PCDH15: variants seen among roughly 807,000 people sequenced by gnomAD.
PCDH15 encodes protocadherin-15.
Under a neutral mutation model 178.5 loss-of-function variants are expected in PCDH15, and 129 were observed. The observed-to-expected ratio is 0.72, with a 90% CI of 0.63 to 0.84. PCDH15 has a LOEUF of 0.84. Among genes scored for constraint, PCDH15 ranks in the 40% least tolerant of loss-of-function variants. PCDH15 has a pLI of 0.00. For synonymous variants in PCDH15, 800 were observed against 732.0 expected, an observed-to-expected ratio of 1.09 and a Z score of -1.50; for missense variants, 2,230 against 2,099.9, an observed-to-expected ratio of 1.06 and a Z score of -1.21.
In PCDH15 at chr10:54,228,508, G is replaced by C. The variant is rs183339459; in HGVS notation, c.985+8315C>G. On this transcript the variant is annotated intron_variant, in intron 9 of 37. Transcript: ENST00000644397. ...GTGACACAGCCAAGCGATATCATTT[G>C]TTATGAATGCTAAGAGCATCTACTC... Among the ~76,000 whole-genome samples, 364 of 152,258 alleles carry C rather than the reference G, an allele frequency of 2.4e-3. 1 individual carries two copies. Among genetic ancestry groups the C allele is most frequent in the African/African-American group, 8.5e-3 (353 of 41,564 alleles).
At chr10:55,257,249 G>T (rs1416048869) in intron 1 of PCDH15, among the ~76,000 whole-genome samples, 1 of 151,988 alleles carries the variant, frequency 6.6e-6, no homozygotes, top group Non-Finnish European at 1.5e-5. Context: ...AAAGACCAAA[G>T]GTAGATAAAA....
chr10:55,339,751 T>C (rs73253877), intron 2 of PCDH15, among the ~76,000 whole-genome samples: 1,817 of 152,204 alleles, frequency 0.012, 49 homozygotes, highest in African/African-American at 0.042. Context: ...TAGTTAATAA[T>C]TGGCCACTCG....
intron 2 of PCDH15, among the ~76,000 whole-genome samples, chr10:54,604,066 T>C (rs2092649395): frequency 2.0e-5 from 1 of 50,144 alleles, no homozygotes; most frequent in Non-Finnish European, 4.4e-5. Flanking sequence ...TTAGCTTCCA[T>C]GTATTTGTGA....
chr10:54,192,138 G>GAA (rs756517420), intron 11 of PCDH15, among the ~76,000 whole-genome samples: 1,200 of 117,520 alleles, frequency 0.01, 21 homozygotes, highest in African/African-American at 0.031. Context: ...GAAAGAGAAA[G>GAA]AGAAAGAAAG....
intron 8 of PCDH15, among the ~76,000 whole-genome samples, chr10:54,270,032 A>T (rs1444554098): frequency 1.3e-5 from 2 of 152,014 alleles, no homozygotes; most frequent in African/African-American, 4.8e-5. Flanking sequence ...TTTATCTTTG[A>T]TCTCTTTTAA....
chr10:55,537,761 C>CTTTGTTTGTTTG (rs1484244149), intron 2 of PCDH15, among the ~76,000 whole-genome samples: 32 of 152,068 alleles, frequency 2.1e-4, no homozygotes, highest in Non-Finnish European at 7.4e-5. Context: ...TATGTGTTTT[C>CTTTGTTTGTTTG]TTTGTTGCTG....
At chr10:54,569,963 A>C (rs1391536882) in intron 2 of PCDH15, among the ~76,000 whole-genome samples, 1 of 152,094 alleles carries the variant, frequency 6.6e-6, no homozygotes, top group Non-Finnish European at 1.5e-5. Context: ...AAAAGCTATA[A>C]ATCAGACCTC....
intron 2 of PCDH15, among the ~76,000 whole-genome samples, chr10:54,980,407 A>G (rs923054861): frequency 5.9e-5 from 9 of 152,040 alleles, no homozygotes; most frequent in African/African-American, 2.2e-4. Flanking sequence ...TTATTTTATT[A>G]TATTTCTTAT....
At chr10:55,575,771 G>A (rs944493961) in intron 2 of PCDH15, 3 of 152,104 alleles carry the variant, frequency 2.0e-5, no homozygotes, top group East Asian at 1.9e-4. Flanking sequence ...GGAAATTCAC[G>A]AACAATTCCC....
Position 53,984,257 on chromosome 10 carries a change from C to T in PCDH15, c.2868+11392G>A, listed in dbSNP as rs551435567. ...TTCCGCCTCCTGGGTTCACACCATTCTCCTGCCTCAGCCTCCCAAGTAGCT... is the reference window on the plus strand; with the variant it reads ...TTCCGCCTCCTGGGTTCACACCATTTTCCTGCCTCAGCCTCCCAAGTAGCT... On this transcript the variant is annotated intron_variant, in intron 21 of 37. Coordinates refer to ENST00000644397, the MANE Select transcript of PCDH15 (RefSeq NM_001384140.1). Among the ~76,000 whole-genome samples the T allele has an allele frequency of 4.3e-3, 621 of 143,238 alleles. 4 individuals are homozygous for T. Among genetic ancestry groups the T allele is most frequent in the African/African-American group, 0.015 (586 of 37,894 alleles). 94.0% of individuals were successfully genotyped at this position (143,238 alleles called of 152,430 possible).
intron 27 of PCDH15, among the ~76,000 whole-genome samples, chr10:53,862,350 A>G (rs752485148): frequency 4.6e-5 from 7 of 151,998 alleles, no homozygotes; most frequent in African/African-American, 7.2e-5. Flanking sequence ...ACACCCGGCC[A>G]TTGTACTTTG....
chr10:54,519,300 T>C (rs949671380), intron 3 of PCDH15, among the ~76,000 whole-genome samples: 8 of 152,198 alleles, frequency 5.3e-5, no homozygotes, highest in Non-Finnish European at 1.2e-4. Context: ...CATGATTGTA[T>C]ATTTAGAAAA....
intron 1 of PCDH15, among the ~76,000 whole-genome samples, chr10:54,701,379 T>A (rs1233613967): frequency 3.9e-5 from 6 of 152,006 alleles, no homozygotes; most frequent in Non-Finnish European, 7.4e-5. Context: ...ATCGACATTC[T>A]AAAGCAACTA....
At chr10:55,388,508 G>A (rs945409071) in intron 2 of PCDH15, among the ~76,000 whole-genome samples, 16 of 151,990 alleles carry the variant, frequency 1.1e-4, no homozygotes, top group Non-Finnish European at 1.8e-4. Flanking sequence ...TCTGGATGGA[G>A]GTATTTTTAT....
intron 3 of PCDH15, among the ~76,000 whole-genome samples, chr10:54,526,575 AT>A (rs909139339): frequency 6.6e-6 from 1 of 151,990 alleles, no homozygotes; most frequent in African/African-American, 2.4e-5. Context: ...CACATTTGGG[AT>A]TTATTTCCAA....
intron 15 of PCDH15, among the ~76,000 whole-genome samples, chr10:54,132,592 T>C (rs2042529548): frequency 6.6e-6 from 1 of 152,192 alleles, no homozygotes; most frequent in Non-Finnish European, 1.5e-5. Flanking sequence ...AATATTCAAG[T>C]ATGTGTTTCC....
At chr10:54,268,949 T>C (rs2057875321) in intron 8 of PCDH15, among the ~76,000 whole-genome samples, 1 of 151,732 alleles carries the variant, frequency 6.6e-6, no homozygotes, top group African/African-American at 2.4e-5. Context: ...TCATCTCCTA[T>C]CTTCCTTGAA....
Position 55,454,780 on chromosome 10 carries a change from C to CA in PCDH15, c.-156+172844dup, listed in dbSNP as rs10606669. 2.3e-3 allele frequency among the ~76,000 whole-genome samples: 224 copies of CA among 98,276 alleles called. 1 individual carries two copies. The highest frequency in any genetic ancestry group is 3.4e-3 in the Non-Finnish European group (169 of 50,348). The allele number at this position is 98,276 out of a possible 152,430, so 64.5% of individuals were successfully genotyped here. A position where few individuals can be genotyped will look rare whatever the true frequency, so the allele number is the denominator to read the frequency against. ...AGCCTGGGCAACAGAGACTCTGTCT[C>CA]AAAAAAAAAAAAAAAAAAAAATTTA... On this transcript the variant is annotated intron_variant, in intron 2 of 5. Transcript: ENST00000613346.
At chr10:53,808,610 A>T in intron 37 of PCDH15, 1 of 1,501,330 alleles carries the variant, frequency 6.7e-7, no homozygotes. Flanking sequence ...CTCCCTTTCA[A>T]GTGTCACTTT....
Sources: gnomAD v4.1 joint callset for allele counts (sites outside exome capture counted in the v4.1 genomes callset) on GRCh38, gnomAD v4.1.1 for gene constraint, MANE v1.5 for transcripts, NCBI Gene and HGNC (gene_info 2026-07-23, HGNC 2026-07-21) for gene names.